Variants in POGLUT1 observed in about 807,000 individuals in gnomAD.
The protein encoded by POGLUT1 is 9630046K23Rik.
Under a neutral mutation model 61.3 loss-of-function variants are expected in POGLUT1, and 32 were observed. That is an observed-to-expected ratio of 0.52 (90% CI 0.39 to 0.70). The LOEUF (loss-of-function observed/expected upper bound fraction) is 0.70, where lower values mean the gene tolerates loss of function less well. POGLUT1 is among the 30% of genes least tolerant of loss of function. The probability of loss-of-function intolerance (pLI) is 0.00; values close to 1 mark genes in which losing one functional copy is unlikely to be tolerated. For missense variants in POGLUT1, 411 were observed against 469.8 expected, an observed-to-expected ratio of 0.87 and a Z score of 1.16; for synonymous variants, 158 against 158.2, an observed-to-expected ratio of 1.00 and a Z score of 0.01.
At chr3:119,489,514 G>A in intron 8 of POGLUT1, 1 of 153,542 alleles carries the variant, frequency 6.5e-6, no homozygotes, top group Non-Finnish European at 1.5e-5. Flanking sequence ...GGTGGGGGTG[G>A]CTCAGAGTTA....
chr3:119,470,600 G>A (rs2081458653), intron 2 of POGLUT1, among the ~76,000 whole-genome samples: 1 of 152,138 alleles, frequency 6.6e-6, no homozygotes, highest in Non-Finnish European at 1.5e-5. Context: ...ATGCACATCA[G>A]GGCCGGGATG....
Position 119,477,419 on chromosome 3 carries a change from C to G in POGLUT1, c.427C>G (p.Pro143Ala), listed in dbSNP as rs1412451711. ...DYPQVPKWME[P>A]AIPVFSFSKT... ...TCCTCAGGTTCCTAAATGGATGGAG[C>G]CTGCCATCCCAGTCTTCTCCTTCAG... Residue 143 changes from proline to alanine, a missense_variant, in exon 4 of 11, where the codon CCT becomes GCT. By Grantham distance (27) the Pro-to-Ala change is conservative. Coordinates refer to ENST00000295588, the MANE Select transcript of POGLUT1 (RefSeq NM_152305.3). 1.2e-6 allele frequency: 2 copies of G among 1,613,766 alleles called. No homozygotes were observed. Among genetic ancestry groups the G allele is most frequent in the Non-Finnish European group, 1.7e-6 (2 of 1,179,814 alleles).
chr3:119,469,255 G>C (rs1560028313), intron 1 of POGLUT1, 149 bp downstream of exon 1: 1 of 657,296 alleles, frequency 1.5e-6, no homozygotes, highest in Non-Finnish European at 2.7e-6. Context: ...CCTTGCGGCG[G>C]AGAGTGAGGT....
intron 5 of POGLUT1, among the ~76,000 whole-genome samples, chr3:119,483,837 G>A (rs1045282594): frequency 6.6e-6 from 1 of 152,156 alleles, no homozygotes; most frequent in African/African-American, 2.4e-5. Context: ...ATGGCCAAAT[G>A]TCCCCTGGGT....
chr3:119,482,664 T>A (rs916298479), intron 5 of POGLUT1, among the ~76,000 whole-genome samples: 1 of 152,220 alleles, frequency 6.6e-6, no homozygotes, highest in Non-Finnish European at 1.5e-5. Flanking sequence ...AACCCTCTGT[T>A]TAGAATCTCT....
intron 10 of POGLUT1, 135 bp downstream of exon 10, chr3:119,491,709 A>C: frequency 2.0e-6 from 1 of 510,680 alleles, no homozygotes; most frequent in Non-Finnish European, 3.6e-6. Context: ...ATTCAGAACT[A>C]AACCTGTCCT....
intron 8 of POGLUT1, 36 bp downstream of exon 8, chr3:119,489,023 C>T: frequency 8.0e-7 from 1 of 1,256,632 alleles, no homozygotes; most frequent in Non-Finnish European, 1.2e-6. Context: ...TCTTGGTTTC[C>T]ATACTGCTTT....
chr3:119,475,818 A>G (rs2081528839), intron 3 of POGLUT1, among the ~76,000 whole-genome samples: 1 of 151,904 alleles, frequency 6.6e-6, no homozygotes, highest in African/African-American at 2.4e-5. Flanking sequence ...TCTCAAAAAA[A>G]AAAAAAAATC....
At chr3:119,482,301 C>T (rs878969295) in intron 5 of POGLUT1, among the ~76,000 whole-genome samples, 3 of 152,198 alleles carry the variant, frequency 2.0e-5, no homozygotes, top group Admixed American at 2.0e-4. Context: ...ATAACTCAGG[C>T]AACTTTCCCC....
At chr3:119,478,611 G>A in intron 4 of POGLUT1, 1 of 346,598 alleles carries the variant, frequency 2.9e-6, no homozygotes, top group Admixed American at 4.0e-5. Flanking sequence ...TAGTTTCCAA[G>A]GGAGAGTTTT....
chr3:119,478,901 A>T (rs1379011913), intron 4 of POGLUT1, among the ~76,000 whole-genome samples: 5 of 137,176 alleles, frequency 3.6e-5, no homozygotes, highest in Non-Finnish European at 4.7e-5. Context: ...AAAAAAAAAA[A>T]AAAGGGGGGA....
rs1334047888 is a variant in POGLUT1, at chr3:119,494,482, T to C, written c.*2044T>C. The stretch of plus-strand genomic sequence containing the variant: ...AGCAAATGTTATTCAGATTTTGTAC[T>C]TGTCTATCTGTTTACCTCAGTGTAG... On this transcript the variant is annotated 3_prime_UTR_variant, in exon 11 of 11. Transcript: ENST00000295588. 1.3e-5 allele frequency: 2 copies of C among 152,686 alleles called. No homozygotes were observed. Among genetic ancestry groups the C allele is most frequent in the African/African-American group, 4.8e-5 (2 of 41,466 alleles). 9.5% of individuals were successfully genotyped at this position (152,686 alleles called of 1,614,324 possible).
rs1455836737 is a variant in POGLUT1, at chr3:119,469,828, T to C, written c.94T>C (p.Trp32Arg). The C allele has an allele frequency of 6.3e-7, 1 of 1,588,610 alleles. No individual in the cohort carries two copies. The highest frequency in any genetic ancestry group is 8.6e-7 in the Non-Finnish European group (1 of 1,157,496). ...TACTTCACTTTTTAAAGGTTCAAAA[T>C]GGAAAGTATTTATTGACCAAATTAA... ...QGRQKESGSKWKVFIDQINRS... is the reference protein window; with the variant it reads ...QGRQKESGSKRKVFIDQINRS... The change falls in exon 2 of 11, where the codon TGG becomes CGG. Residue 32 changes from tryptophan (W) to arginine (R), a missense_variant. Transcript: ENST00000295588.
intron 5 of POGLUT1, among the ~76,000 whole-genome samples, chr3:119,484,558 AAT>A (rs1387322757): frequency 1.3e-5 from 2 of 152,224 alleles, no homozygotes; most frequent in African/African-American, 4.8e-5. Context: ...GTGCTTTTCA[AAT>A]ATCAAACTAA....
At chr3:119,487,187 G>A (rs2081675191) in intron 7 of POGLUT1, among the ~76,000 whole-genome samples, 1 of 152,136 alleles carries the variant, frequency 6.6e-6, no homozygotes, top group Non-Finnish European at 1.5e-5. Flanking sequence ...TTCCAGGAAG[G>A]GCCAAATAGT....
At chr3:119,492,057 A>AAAATAAATAAATAAATAAAT (rs71156748) in intron 10 of POGLUT1, among the ~76,000 whole-genome samples, 8 of 150,386 alleles carry the variant, frequency 5.3e-5, no homozygotes, top group African/African-American at 1.7e-4. Context: ...TCCGTCTCAA[A>AAAATAAATAAATAAATAAAT]AAATAAATAA....
intron 5 of POGLUT1, 109 bp downstream of exon 5, chr3:119,480,281 C>A (rs1380023510): frequency 4.5e-6 from 4 of 880,616 alleles, no homozygotes; most frequent in Non-Finnish European, 6.4e-6. Context: ...GGAGTTTCGC[C>A]CTTTTTGCCC....
chr3:119,486,899 A>G lies in POGLUT1; in HGVS notation c.705A>G (p.Glu235=). Residue 235 remains glutamate (E), a synonymous_variant, in exon 7 of 11, where the codon GAA becomes GAG. Coordinates refer to ENST00000295588, the MANE Select transcript of POGLUT1 (RefSeq NM_152305.3). The stretch of plus-strand genomic sequence containing the variant: ...AAAACCCAAAACTTGTTGATGCAGA[A>G]TACACCAAAAACCAGGCCTGGAAAT... The part of the protein sequence containing the change: ...SRKNPKLVDA[E]YTKNQAWKSM... The G allele has an allele frequency of 1.9e-6, 3 of 1,613,380 alleles. No individual in the cohort carries two copies. The highest frequency in any genetic ancestry group is 1.1e-5 in the South Asian group (1 of 91,072).
At chr3:119,470,973 G>A (rs2081463305) in intron 2 of POGLUT1, among the ~76,000 whole-genome samples, 1 of 152,236 alleles carries the variant, frequency 6.6e-6, no homozygotes, top group Non-Finnish European at 1.5e-5. Flanking sequence ...CCTCCTGTGG[G>A]ATTGGGAGGA....
Sources: allele counts gnomAD v4.1 joint callset (sites outside exome capture counted in the v4.1 genomes callset), GRCh38; gene constraint gnomAD v4.1.1; transcripts MANE v1.5; gene names NCBI Gene and HGNC (gene_info 2026-07-23, HGNC 2026-07-21).